The following ABL2 variants were observed in gnomAD, a reference collection of about 807,000 sequenced individuals.
The protein encoded by ABL2 is ABL proto-oncogene 2, non-receptor tyrosine kinase, also known as tyrosine-protein kinase ABL2.
A neutral mutation model predicts 107.7 loss-of-function variants in ABL2; 49 were observed. That is an observed-to-expected ratio of 0.45 (90% CI 0.36 to 0.58). The LOEUF is 0.58. ABL2 is among the 20% of genes least tolerant of loss of function. The probability of loss-of-function intolerance (pLI) is 0.00; values close to 1 mark genes in which losing one functional copy is unlikely to be tolerated. For missense variants in ABL2, 1,245 were observed against 1,457.0 expected (o/e 0.85, Z 2.37); for synonymous variants, 549 against 548.6 (o/e 1.00, Z -0.01).
chr1:179,139,580 T>C (rs1657383405), intron 1 of ABL2, among the ~76,000 whole-genome samples: 1 of 152,174 alleles, frequency 6.6e-6, no homozygotes, highest in African/African-American at 2.4e-5. Context: ...CCATTGGCAC[T>C]GCCTTCAAAA....
At chr1:179,168,401 T>C (rs950563009) in intron 1 of ABL2, among the ~76,000 whole-genome samples, 1 of 152,228 alleles carries the variant, frequency 6.6e-6, no homozygotes, top group Non-Finnish European at 1.5e-5. Flanking sequence ...TTTTCCGTTG[T>C]ATATTTTTTA....
At chr1:179,110,551 C>A (rs1001158096) in intron 10 of ABL2, 96 bp from the exon 11 acceptor site, 1 of 1,522,584 alleles carries the variant, frequency 6.6e-7, no homozygotes, top group South Asian at 1.3e-5. Context: ...AAAGAACTGG[C>A]AAGTAGAGTA....
At chr1:179,134,520 G>A (rs1021108475) in intron 1 of ABL2, among the ~76,000 whole-genome samples, 3 of 152,110 alleles carry the variant, frequency 2.0e-5, no homozygotes, top group African/African-American at 2.4e-5. Flanking sequence ...AGTTTCCTCC[G>A]AGGCCTTGGA....
chr1:179,131,986 AAT>A (rs1471019823), intron 2 of ABL2, among the ~76,000 whole-genome samples: 1 of 152,264 alleles, frequency 6.6e-6, no homozygotes, highest in African/African-American at 2.4e-5. Context: ...AGAATTAGGT[AAT>A]ACTGTATAAA....
At chr1:179,128,802 G>GC (rs1180563733) in intron 3 of ABL2, among the ~76,000 whole-genome samples, 1 of 152,076 alleles carries the variant, frequency 6.6e-6, no homozygotes, top group Admixed American at 6.6e-5. Flanking sequence ...TCAGACCTCA[G>GC]CCCCCCAAGT....
intron 1 of ABL2, among the ~76,000 whole-genome samples, chr1:179,159,685 T>C (rs1658945708): frequency 2.0e-5 from 3 of 152,224 alleles, no homozygotes; most frequent in Admixed American, 2.0e-4. Context: ...CAGAATTTTA[T>C]TAATCTCTCA....
intron 1 of ABL2, among the ~76,000 whole-genome samples, chr1:179,182,715 A>T (rs563026825): frequency 2.6e-5 from 4 of 152,074 alleles, no homozygotes; most frequent in Admixed American, 6.6e-5. Flanking sequence ...TGCTAGCTTT[A>T]TGGTTGTGTT....
intron 1 of ABL2, among the ~76,000 whole-genome samples, chr1:179,189,297 G>A (rs1255877058): frequency 2.6e-5 from 4 of 151,976 alleles, no homozygotes; most frequent in South Asian, 2.1e-4. Context: ...CACCACAGCC[G>A]GCTATTTTGT....
rs1571363680 is a variant in ABL2, at chr1:179,229,544, C to T, written c.-147G>A. On this transcript the variant is annotated 5_prime_UTR_variant, in exon 1 of 12. Coordinates refer to ENST00000502732, the MANE Select transcript of ABL2 (RefSeq NM_007314.4). ...GGCTGGGCCACCGGCGGCTCCGCAC[C>T]CGGCCTCCTCACGGCAGCCGCCGCG... 1.3e-6 allele frequency: 1 copy of T among 780,240 alleles called. No homozygotes were observed. The allele number at this position is 780,240 out of a possible 1,614,324, so 48.3% of individuals were successfully genotyped here.
chr1:179,145,087 GTTGA>G (rs1657893842), intron 1 of ABL2, among the ~76,000 whole-genome samples: 1 of 152,176 alleles, frequency 6.6e-6, no homozygotes, highest in Non-Finnish European at 1.5e-5. Flanking sequence ...AGAATGAAAT[GTTGA>G]TATATGCTAC....
chr1:179,220,489 T>A (rs1292162820), intron 1 of ABL2, among the ~76,000 whole-genome samples: 1 of 152,350 alleles, frequency 6.6e-6, no homozygotes, highest in East Asian at 1.9e-4. Flanking sequence ...GTGCCTTGTT[T>A]AGGCGATGGT....
At position 179,109,199 on chromosome 1, in the gene ABL2, A is replaced by T; in HGVS notation, c.2068T>A (p.Ser690Thr). ...HKKYELTGNF[S>T]SVASLQHADG... is the part of the protein sequence containing the mutation. ...GCATGCTGTAGAGAAGCAACAGATG[A>T]GAAGTTACCCGTGAGTTCGTATTTC... The change falls in exon 12 of 12, where the codon TCA becomes ACA. Residue 690 changes from serine (S) to threonine (T), a missense_variant. Transcript: ENST00000502732. 1 of 1,614,048 alleles carries T rather than the reference A, an allele frequency of 6.2e-7. No homozygotes were observed. The highest frequency in any genetic ancestry group is 8.5e-7 in the Non-Finnish European group (1 of 1,180,014).
chr1:179,197,577 A>T (rs1159588727), intron 1 of ABL2, among the ~76,000 whole-genome samples: 4 of 147,652 alleles, frequency 2.7e-5, no homozygotes, highest in Admixed American at 1.4e-4. Context: ...AAAAAAAATT[A>T]AAAAAAAAAG....
At position 179,110,395 on chromosome 1, in the gene ABL2, C is replaced by T. The variant is rs747400049; in HGVS notation, c.1712G>A (p.Arg571Gln). ...SSSSVVPYLP[R>Q]LPILPSKTRT... ...AGTCTTGGAAGGAAGTATAGGTAGC[C>T]GGGGCAGGTATGGAACAACAGATGA... is the stretch of plus-strand genomic sequence containing the variant. Residue 571 changes from arginine (R) to glutamine (Q), a missense_variant, in exon 11 of 12, where the codon CGG becomes CAG. By Grantham distance (43) the Arg-to-Gln change is conservative (BLOSUM62 1). Transcript: ENST00000502732. 25 of 1,613,960 alleles carry T rather than the reference C, an allele frequency of 1.5e-5. No individual in the cohort carries two copies. The highest frequency in any genetic ancestry group is 2.2e-5 in the South Asian group (2 of 91,076).
chr1:179,117,759 T>G (rs963159080), intron 7 of ABL2, among the ~76,000 whole-genome samples: 16 of 152,102 alleles, frequency 1.1e-4, no homozygotes, highest in African/African-American at 3.9e-4. Context: ...TACACTGGGA[T>G]AGGTGAGCAA....
intron 9 of ABL2, 124 bp from the exon 10 acceptor site, chr1:179,112,522 CAAT>C: frequency 1.5e-6 from 1 of 651,418 alleles, no homozygotes; most frequent in South Asian, 2.1e-5. Context: ...AGCATGTTCA[CAAT>C]GATAGCAACA....
At position 179,104,567 on chromosome 1, in the gene ABL2, A is replaced by T. The variant is rs1346154436; in HGVS notation, c.*3151T>A. 9.6e-6 allele frequency: 2 copies of T among 208,668 alleles called. No homozygotes were observed. Among genetic ancestry groups the T allele is most frequent in the African/African-American group, 4.5e-5 (2 of 44,032 alleles). The allele number at this position is 208,668 out of a possible 1,614,324, so 12.9% of individuals were successfully genotyped here. ...CACTGAATGAATTTCTTAGGGCCAAATTTTTTAAGGCTAATCTCTGAAAAT... is the reference window on the plus strand; with the variant it reads ...CACTGAATGAATTTCTTAGGGCCAATTTTTTTAAGGCTAATCTCTGAAAAT... On this transcript the variant is annotated 3_prime_UTR_variant, in exon 12 of 12. Transcript: ENST00000502732.
intron 10 of ABL2, chr1:179,110,760 A>G (rs1653977009): frequency 6.2e-7 from 1 of 1,613,730 alleles, no homozygotes; most frequent in Non-Finnish European, 8.5e-7. Flanking sequence ...GTTTGGAGTT[A>G]CTATGAATAC....
At chr1:179,112,457 G>A in intron 9 of ABL2, 59 bp from the exon 10 acceptor site, 1 of 1,369,490 alleles carries the variant, frequency 7.3e-7, no homozygotes, top group Non-Finnish European at 1.0e-6. Context: ...ATCCAGTGGT[G>A]TATCTAATAA....
Sources: gnomAD v4.1 joint callset for allele counts (sites outside exome capture counted in the v4.1 genomes callset) on GRCh38, gnomAD v4.1.1 for gene constraint, MANE v1.5 for transcripts, NCBI Gene and HGNC (gene_info 2026-07-23, HGNC 2026-07-21) for gene names.